Variants in PTPRQ observed in about 807,000 individuals in gnomAD.
The protein encoded by PTPRQ is protein tyrosine phosphatase receptor type Q.
In PTPRQ, 199 loss-of-function variants were observed where a neutral mutation model predicts 246.0. The ratio of observed to expected loss-of-function variants is 0.81; its 90% CI spans 0.72 to 0.91. The LOEUF (loss-of-function observed/expected upper bound fraction) is 0.91. Ranked by LOEUF, PTPRQ falls within the 40% of genes least tolerant of loss-of-function variation. The pLI, the probability that PTPRQ is intolerant of heterozygous loss-of-function variation, is 0.00. For missense variants in PTPRQ, 2,624 were observed against 2,528.4 expected, an observed-to-expected ratio of 1.04 and a Z score of -0.81; for synonymous variants, 869 against 853.2, an observed-to-expected ratio of 1.02 and a Z score of -0.32.
intron 3 of PTPRQ, among the ~76,000 whole-genome samples, chr12:80,450,915 C>T (rs554655094): frequency 6.6e-6 from 1 of 152,338 alleles, no homozygotes; most frequent in East Asian, 1.9e-4. Flanking sequence ...GGAGGATTCC[C>T]TCTTTTTCTA....
chr12:80,590,563 G>A (rs1897760830), intron 26 of PTPRQ, among the ~76,000 whole-genome samples: 1 of 151,420 alleles, frequency 6.6e-6, no homozygotes, highest in East Asian at 2.0e-4. Flanking sequence ...AGCTACTCGG[G>A]AGGCTGAGGC....
In PTPRQ at chr12:80,503,384, A is replaced by G. The variant is rs76786942; in HGVS notation, c.2273-2640A>G. 2.7e-3 allele frequency among the ~76,000 whole-genome samples: 406 copies of G among 151,948 alleles called. 2 individuals are homozygous for G. Among genetic ancestry groups the G allele is most frequent in the Non-Finnish European group, 4.4e-3 (296 of 67,852 alleles). On this transcript the variant is annotated intron_variant, in intron 14 of 44. Coordinates refer to ENST00000644991, the MANE Select transcript of PTPRQ (RefSeq NM_001145026.2). ...ATGCATTGAATTGCAATCCTCTCAA[A>G]GTTTTAAAAGTATCAATATTCTTAA...
chr12:80,480,112 C>T (rs1893983438), intron 8 of PTPRQ, among the ~76,000 whole-genome samples: 1 of 152,132 alleles, frequency 6.6e-6, no homozygotes. Flanking sequence ...AAATTGACTA[C>T]ATACTTGGAA....
intron 35 of PTPRQ, among the ~76,000 whole-genome samples, chr12:80,641,883 T>C (rs1315369800): frequency 6.6e-6 from 1 of 150,964 alleles, no homozygotes; most frequent in South Asian, 2.1e-4. Flanking sequence ...CTCTCTCTCT[T>C]GCTCTCTCTC....
intron 25 of PTPRQ, among the ~76,000 whole-genome samples, chr12:80,565,402 G>A (rs567375915): frequency 6.6e-6 from 1 of 152,216 alleles, no homozygotes; most frequent in South Asian, 2.1e-4. Flanking sequence ...AGGAACTGGT[G>A]CATATCTTAT....
intron 27 of PTPRQ, among the ~76,000 whole-genome samples, chr12:80,609,548 T>G (rs1322662235): frequency 1.0e-4 from 15 of 150,606 alleles, no homozygotes; most frequent in Admixed American, 9.3e-4. Context: ...TTTAGTTATG[T>G]TTAATATCTG....
At chr12:80,623,573 G>A (rs760439301) in intron 33 of PTPRQ, among the ~76,000 whole-genome samples, 3 of 152,090 alleles carry the variant, frequency 2.0e-5, no homozygotes, top group Non-Finnish European at 4.4e-5. Flanking sequence ...GCATTCATAA[G>A]CCATTACTTC....
At chr12:80,563,335 A>C (rs1056724797) in intron 25 of PTPRQ, among the ~76,000 whole-genome samples, 2 of 151,928 alleles carry the variant, frequency 1.3e-5, no homozygotes, top group African/African-American at 4.8e-5. Flanking sequence ...TCTGCAGCCT[A>C]ATCCCACTCG....
Position 80,479,121 on chromosome 12 carries a change from G to A in PTPRQ, c.1187-5312G>A, listed in dbSNP as rs565677799. On this transcript the variant is annotated intron_variant, in intron 8 of 44. Transcript: ENST00000644991. ...GAAGGAAAAAATGTTAAGGGCAGCCGGAGAGAAAGGTCGGGTTACCCTCAA... is the reference window on the plus strand; with the variant it reads ...GAAGGAAAAAATGTTAAGGGCAGCCAGAGAGAAAGGTCGGGTTACCCTCAA... 7.4e-4 allele frequency among the ~76,000 whole-genome samples: 113 copies of A among 151,732 alleles called. 1 individual carries two copies. Among genetic ancestry groups the A allele is most frequent in the South Asian group, 5.2e-3 (25 of 4,788 alleles).
intron 35 of PTPRQ, among the ~76,000 whole-genome samples, chr12:80,646,958 T>A (rs1900096641): frequency 6.6e-6 from 1 of 152,344 alleles, no homozygotes; most frequent in Admixed American, 6.5e-5. Context: ...GCTTTAGCTA[T>A]TTCTTGCTCA....
chr12:80,540,383 T>G (rs1641520531), intron 20 of PTPRQ, among the ~76,000 whole-genome samples: 1 of 152,118 alleles, frequency 6.6e-6, no homozygotes, highest in Admixed American at 6.6e-5. Flanking sequence ...AGTATTTTCC[T>G]TAACTCCAGA....
chr12:80,640,055 T>A (rs1028383066), intron 35 of PTPRQ, among the ~76,000 whole-genome samples: 62 of 151,726 alleles, frequency 4.1e-4, no homozygotes, highest in African/African-American at 1.3e-3. Flanking sequence ...TGTGTGTGTG[T>A]GTGTGTGTGT....
intron 33 of PTPRQ, among the ~76,000 whole-genome samples, chr12:80,623,480 G>A (rs898491201): frequency 2.6e-5 from 4 of 152,074 alleles, no homozygotes; most frequent in African/African-American, 9.7e-5. Flanking sequence ...TTCTTCATTT[G>A]ATAGGTGAGT....
chr12:80,593,906 A>G (rs889675373), intron 26 of PTPRQ, among the ~76,000 whole-genome samples: 1 of 152,064 alleles, frequency 6.6e-6, no homozygotes, highest in Admixed American at 6.6e-5. Flanking sequence ...TGCGTCTCCT[A>G]TAGACCACCA....
In PTPRQ at chr12:80,474,511, A is replaced by C. The variant is rs12296741; in HGVS notation, c.1186+2260A>C. Among the ~76,000 whole-genome samples the C allele has an allele frequency of 8.2e-3, 1,247 of 152,336 alleles. 16 individuals carry two copies. Among genetic ancestry groups the C allele is most frequent in the African/African-American group, 0.029 (1,188 of 41,584 alleles). ...TGTTACGGTCCATAGTCTACTTTGAAAGAAAATCAGCATCCTATTATTTTA... is the reference window on the plus strand; with the variant it reads ...TGTTACGGTCCATAGTCTACTTTGACAGAAAATCAGCATCCTATTATTTTA... On this transcript the variant is annotated intron_variant, in intron 8 of 44. Transcript: ENST00000644991.
intron 25 of PTPRQ, chr12:80,561,204 C>T (rs1896815488): frequency 6.6e-6 from 1 of 152,178 alleles, no homozygotes; most frequent in Non-Finnish European, 1.5e-5. Flanking sequence ...TGAGCTGGTC[C>T]TTCTTTATCC....
At chr12:80,619,286 C>G in intron 30 of PTPRQ, 98 bp from the exon 31 acceptor site, 1 of 1,348,930 alleles carries the variant, frequency 7.4e-7, no homozygotes, top group Non-Finnish European at 9.9e-7. Context: ...TTTGTCATCA[C>G]TTTATCTGTA....
At chr12:80,652,926 A>G in intron 38 of PTPRQ, 92 bp downstream of exon 38, 1 of 1,272,250 alleles carries the variant, frequency 7.9e-7, no homozygotes, top group Non-Finnish European at 1.0e-6. Flanking sequence ...ATTTTATTTT[A>G]TATTGTTTGA....
chr12:80,530,218 T>G (rs1895804866), intron 17 of PTPRQ, among the ~76,000 whole-genome samples: 1 of 152,172 alleles, frequency 6.6e-6, no homozygotes, highest in Non-Finnish European at 1.5e-5. Flanking sequence ...CACAACTAAT[T>G]TCTTTGCTCA....
Sources: gnomAD v4.1 joint callset for allele counts (sites outside exome capture counted in the v4.1 genomes callset) on GRCh38, gnomAD v4.1.1 for gene constraint, MANE v1.5 for transcripts, NCBI Gene and HGNC (gene_info 2026-07-23, HGNC 2026-07-21) for gene names.